Variants in TSPAN9 observed in about 807,000 individuals in gnomAD.
The protein encoded by TSPAN9 is tetraspanin-9.
In TSPAN9, 16 loss-of-function variants were observed where a neutral mutation model predicts 31.0. That is an observed-to-expected ratio of 0.52 (90% CI 0.35 to 0.78). The LOEUF is 0.78. TSPAN9 is among the 30% of genes least tolerant of loss of function. The pLI is 0.01. For synonymous variants in TSPAN9, 145 were observed against 121.6 expected, an observed-to-expected ratio of 1.19 and a Z score of -1.27; for missense variants, 272 against 312.5, an observed-to-expected ratio of 0.87 and a Z score of 0.98.
chr12:3,148,857 G>C (rs565945843), intron 2 of TSPAN9, among the ~76,000 whole-genome samples: 1 of 152,310 alleles, frequency 6.6e-6, no homozygotes, highest in South Asian at 2.1e-4. Context: ...AGCTCCATCA[G>C]TCACGTCCAA....
At chr12:3,195,175 A>G (rs558751992) in intron 2 of TSPAN9, among the ~76,000 whole-genome samples, 215 of 152,300 alleles carry the variant, frequency 1.4e-3, no homozygotes, top group African/African-American at 5.0e-3. Context: ...GGGAATATTC[A>G]GCATGGGTCA....
At position 3,283,038 on chromosome 12, in the gene TSPAN9, C is replaced by G. The variant is rs746102830; in HGVS notation, c.649-7C>G. On this transcript the variant is annotated splice_region_variant and splice_polypyrimidine_tract_variant and intron_variant, in intron 8 of 8. Coordinates refer to ENST00000011898, the MANE Select transcript of TSPAN9 (RefSeq NM_006675.5). ...TCCTGCCTCAGGCCCCTCCCCGTGTCTTTCAGATCCTGGGCATGGCCTTCT... is the reference window on the plus strand; with the variant it reads ...TCCTGCCTCAGGCCCCTCCCCGTGTGTTTCAGATCCTGGGCATGGCCTTCT... 6.2e-7 allele frequency: 1 copy of G among 1,607,734 alleles called. No homozygotes were observed. The highest frequency in any genetic ancestry group is 8.5e-7 in the Non-Finnish European group (1 of 1,179,946).
At chr12:3,190,952 C>T (rs537578733) in intron 2 of TSPAN9, among the ~76,000 whole-genome samples, 36 of 152,136 alleles carry the variant, frequency 2.4e-4, no homozygotes, top group East Asian at 1.5e-3. Flanking sequence ...AATTTGGGAG[C>T]GGGGGAAGGT....
intron 3 of TSPAN9, among the ~76,000 whole-genome samples, chr12:3,240,523 C>G (rs1022709895): frequency 1.3e-5 from 2 of 152,212 alleles, no homozygotes; most frequent in Non-Finnish European, 2.9e-5. Flanking sequence ...CGTGCTCGAG[C>G]TCACACAGCT....
intron 3 of TSPAN9, among the ~76,000 whole-genome samples, chr12:3,259,762 GCAGAGGC>G (rs1459927564): frequency 1.3e-4 from 20 of 152,354 alleles, no homozygotes; most frequent in South Asian, 2.1e-4. Context: ...GGCGAGGAAG[GCAGAGGC>G]CAGGTCTTGT....
At chr12:3,264,670 G>A (rs1227886529) in intron 3 of TSPAN9, among the ~76,000 whole-genome samples, 2 of 152,214 alleles carry the variant, frequency 1.3e-5, no homozygotes, top group African/African-American at 2.4e-5. Context: ...CCCGACTCAC[G>A]GCTGGCCTCC....
chr12:3,203,453 A>G (rs1284093892), intron 3 of TSPAN9, among the ~76,000 whole-genome samples: 1 of 152,212 alleles, frequency 6.6e-6, no homozygotes, highest in African/African-American at 2.4e-5. Context: ...ATGACAAGCA[A>G]TTCTTCCCAT....
chr12:3,178,786 C>T (rs574297646), intron 2 of TSPAN9, among the ~76,000 whole-genome samples: 1 of 152,320 alleles, frequency 6.6e-6, no homozygotes, highest in Non-Finnish European at 1.5e-5. Context: ...TCTGGTCGCG[C>T]TCACTTGCCC....
chr12:3,242,364 TGGAGCCCTG>T (rs1334679482), intron 3 of TSPAN9, among the ~76,000 whole-genome samples: 1 of 152,206 alleles, frequency 6.6e-6, no homozygotes, highest in Non-Finnish European at 1.5e-5. Context: ...GCCCGATGCC[TGGAGCCCTG>T]GGATGCCACC....
At chr12:3,206,583 T>A (rs2098375326) in intron 3 of TSPAN9, among the ~76,000 whole-genome samples, 1 of 151,862 alleles carries the variant, frequency 6.6e-6, no homozygotes, top group Non-Finnish European at 1.5e-5. Flanking sequence ...GCCTTCCTTT[T>A]GTTTTGTTTT....
At chr12:3,131,459 T>A (rs983223301) in intron 2 of TSPAN9, among the ~76,000 whole-genome samples, 3 of 152,214 alleles carry the variant, frequency 2.0e-5, no homozygotes, top group Non-Finnish European at 2.9e-5. Context: ...ACCTACCTTC[T>A]CCAGCCTCAT....
intron 3 of TSPAN9, among the ~76,000 whole-genome samples, chr12:3,260,059 G>A (rs367835458): frequency 5.4e-4 from 83 of 152,366 alleles, no homozygotes; most frequent in African/African-American, 1.9e-3. Flanking sequence ...CCTAGTACGC[G>A]TGAGATGCCT....
At chr12:3,206,447 C>T in intron 3 of TSPAN9, 1 of 434,480 alleles carries the variant, frequency 2.3e-6, no homozygotes, top group South Asian at 1.6e-5. Flanking sequence ...GAGGCAGCAG[C>T]AGGCCTGCAC....
intron 3 of TSPAN9, among the ~76,000 whole-genome samples, chr12:3,276,253 A>C (rs521392): frequency 0.26 from 38,851 of 152,164 alleles, 5,304 homozygotes; most frequent in Middle Eastern, 0.38. Context: ...TCGCTTCTCC[A>C]AACAGCAGCC....
chr12:3,163,741 G>A (rs2098346766), intron 2 of TSPAN9, among the ~76,000 whole-genome samples: 1 of 152,192 alleles, frequency 6.6e-6, no homozygotes, highest in Admixed American at 6.5e-5. Context: ...GCTAGCATCA[G>A]TGAGACCACA....
chr12:3,117,496 C>T (rs1287677866), intron 2 of TSPAN9, among the ~76,000 whole-genome samples: 2 of 144,406 alleles, frequency 1.4e-5, no homozygotes, highest in African/African-American at 5.1e-5. Context: ...AAGTGCTTAG[C>T]GGTCCCTCTG....
intron 2 of TSPAN9, among the ~76,000 whole-genome samples, chr12:3,139,341 C>T (rs962487418): frequency 6.6e-6 from 1 of 152,152 alleles, no homozygotes; most frequent in Admixed American, 6.5e-5. Context: ...AGATTTCCCC[C>T]TTTTCTGTTC....
At chr12:3,251,288 A>G (rs1862239869) in intron 3 of TSPAN9, among the ~76,000 whole-genome samples, 1 of 152,108 alleles carries the variant, frequency 6.6e-6, no homozygotes, top group African/African-American at 2.4e-5. Flanking sequence ...CACAGGCCCC[A>G]GCAGTGAGCT....
intron 3 of TSPAN9, among the ~76,000 whole-genome samples, chr12:3,265,241 G>A (rs1246032586): frequency 6.6e-6 from 1 of 152,154 alleles, no homozygotes; most frequent in African/African-American, 2.4e-5. Context: ...GCATCCTTGT[G>A]GGTCAAATAA....
Sources: gnomAD v4.1 joint callset for allele counts (sites outside exome capture counted in the v4.1 genomes callset) on GRCh38, gnomAD v4.1.1 for gene constraint, MANE v1.5 for transcripts, NCBI Gene and HGNC (gene_info 2026-07-23, HGNC 2026-07-21) for gene names.